ADGRB3: variants seen among roughly 807,000 people sequenced by gnomAD.
ADGRB3 encodes the protein adhesion G protein-coupled receptor B3, also known as brain-specific angiogenesis inhibitor 3.
In ADGRB3, 37 loss-of-function variants were observed where a neutral mutation model predicts 193.4. That is an observed-to-expected ratio of 0.19 (90% CI 0.15 to 0.25). The LOEUF (loss-of-function observed/expected upper bound fraction) is 0.25. Among genes scored for constraint, ADGRB3 ranks in the 10% least tolerant of loss-of-function variants. ADGRB3 has a pLI of 1.00. For synonymous variants in ADGRB3, 690 were observed against 644.2 expected, an observed-to-expected ratio of 1.07 and a Z score of -1.08; for missense variants, 1,637 against 1,852.9, an observed-to-expected ratio of 0.88 and a Z score of 2.14.
intron 17 of ADGRB3, among the ~76,000 whole-genome samples, chr6:69,191,512 T>C (rs542539825): frequency 3.3e-5 from 5 of 152,332 alleles, no homozygotes; most frequent in East Asian, 3.9e-4. Context: ...TTCACAATTA[T>C]AATTGTATTA....
At chr6:69,056,214 T>G (rs1771541601) in intron 15 of ADGRB3, among the ~76,000 whole-genome samples, 1 of 152,142 alleles carries the variant, frequency 6.6e-6, no homozygotes, top group South Asian at 2.1e-4. Context: ...CTCTTATGAT[T>G]AGTGATGTAG....
At chr6:68,989,676 G>A (rs1288766968) in intron 10 of ADGRB3, among the ~76,000 whole-genome samples, 2 of 152,026 alleles carry the variant, frequency 1.3e-5, no homozygotes, top group Non-Finnish European at 2.9e-5. Flanking sequence ...TTTTTCCAAT[G>A]GTTCTTTGTA....
rs193152778 is a variant in ADGRB3, at chr6:69,055,014, A to G, written c.2333+5668A>G. Among the ~76,000 whole-genome samples the G allele has an allele frequency of 3.3e-5, 5 of 152,320 alleles. No individual in the cohort carries two copies. The East Asian group carries it at 7.7e-4, about 23-fold the overall frequency. The stretch of plus-strand genomic sequence containing the variant: ...ATAAATCTAAAAATGGAAAAGGACT[A>G]TAGTAACTTTACTAACTTCCATTAA... On this transcript the variant is annotated intron_variant, in intron 15 of 31. Coordinates refer to ENST00000370598, the MANE Select transcript of ADGRB3 (RefSeq NM_001704.3).
chr6:68,818,995 T>C (rs1767690628), intron 3 of ADGRB3, among the ~76,000 whole-genome samples: 1 of 152,116 alleles, frequency 6.6e-6, no homozygotes, highest in African/African-American at 2.4e-5. Flanking sequence ...CTTCTTTAAC[T>C]TGAAATTTTA....
At chr6:69,378,907 C>T (rs1769889869) in intron 30 of ADGRB3, among the ~76,000 whole-genome samples, 1 of 151,942 alleles carries the variant, frequency 6.6e-6, no homozygotes, top group African/African-American at 2.4e-5. Flanking sequence ...TATAGAATCA[C>T]TTTTTCTCTA....
At chr6:69,360,216 G>A (rs1306433260) in intron 28 of ADGRB3, among the ~76,000 whole-genome samples, 1 of 151,724 alleles carries the variant, frequency 6.6e-6, no homozygotes, top group Non-Finnish European at 1.5e-5. Context: ...TCCCGCAAGG[G>A]CATTCCAGCT....
intron 3 of ADGRB3, among the ~76,000 whole-genome samples, chr6:68,920,852 T>C (rs1005364031): frequency 6.6e-6 from 1 of 152,072 alleles, no homozygotes; most frequent in African/African-American, 2.4e-5. Context: ...AATGTAATGG[T>C]TTGGTAATAC....
chr6:69,141,775 C>A (rs907165904), intron 17 of ADGRB3, among the ~76,000 whole-genome samples: 1 of 152,132 alleles, frequency 6.6e-6, no homozygotes, highest in African/African-American at 2.4e-5. Flanking sequence ...TGTGGAATTT[C>A]TGAAATTAAG....
intron 3 of ADGRB3, among the ~76,000 whole-genome samples, chr6:68,639,868 G>A (rs1172665935): frequency 6.6e-6 from 1 of 152,138 alleles, no homozygotes; most frequent in Non-Finnish European, 1.5e-5. Flanking sequence ...TCCCCACGGA[G>A]TCCTTCCCTC....
intron 8 of ADGRB3, among the ~76,000 whole-genome samples, chr6:68,964,240 A>G (rs1260946607): frequency 1.3e-5 from 2 of 152,180 alleles, no homozygotes; most frequent in South Asian, 2.1e-4. Flanking sequence ...ATATGTTTCT[A>G]TAGCGAGTTG....
At chr6:68,666,509 C>T (rs949919966) in intron 3 of ADGRB3, among the ~76,000 whole-genome samples, 2 of 151,780 alleles carry the variant, frequency 1.3e-5, no homozygotes, top group Admixed American at 1.3e-4. Flanking sequence ...AGAAGAAATG[C>T]TTTCTTCTGT....
At chr6:68,944,222 A>G (rs184556725) in intron 6 of ADGRB3, among the ~76,000 whole-genome samples, 4 of 152,306 alleles carry the variant, frequency 2.6e-5, no homozygotes, top group African/African-American at 9.6e-5. Flanking sequence ...ATATTTCTAC[A>G]AATGTGTATA....
At chr6:68,829,642 C>T (rs1767916922) in intron 3 of ADGRB3, among the ~76,000 whole-genome samples, 1 of 152,032 alleles carries the variant, frequency 6.6e-6, no homozygotes. Flanking sequence ...TACTCAAGGT[C>T]CTGATTTTTA....
intron 17 of ADGRB3, among the ~76,000 whole-genome samples, chr6:69,179,792 T>A (rs977458111): frequency 5.3e-5 from 8 of 152,224 alleles, no homozygotes; most frequent in African/African-American, 1.9e-4. Flanking sequence ...TATTGGACTG[T>A]GCAGTTTGAC....
At chr6:69,133,161 G>T (rs1000263643) in intron 17 of ADGRB3, among the ~76,000 whole-genome samples, 5 of 152,084 alleles carry the variant, frequency 3.3e-5, no homozygotes, top group African/African-American at 1.2e-4. Context: ...ATTCTGTGAA[G>T]AAAGTCAATG....
intron 10 of ADGRB3, among the ~76,000 whole-genome samples, chr6:68,988,633 G>T (rs553936058): frequency 8.5e-5 from 13 of 152,202 alleles, no homozygotes; most frequent in Non-Finnish European, 1.8e-4. Flanking sequence ...AACGCAGGGG[G>T]ATATCAAAGC....
intron 3 of ADGRB3, among the ~76,000 whole-genome samples, chr6:68,860,494 T>G (rs188132773): frequency 6.6e-6 from 1 of 152,340 alleles, no homozygotes; most frequent in East Asian, 1.9e-4. Flanking sequence ...ATAATTGATT[T>G]CCTGTTTCTG....
intron 20 of ADGRB3, among the ~76,000 whole-genome samples, chr6:69,240,921 A>C (rs934573585): frequency 6.6e-6 from 1 of 152,020 alleles, no homozygotes; most frequent in Non-Finnish European, 1.5e-5. Context: ...CAGGAACCAG[A>C]AAAAGTCAAG....
chr6:69,346,915 T>G (rs1368996640), intron 26 of ADGRB3, among the ~76,000 whole-genome samples: 1 of 152,200 alleles, frequency 6.6e-6, no homozygotes, highest in African/African-American at 2.4e-5. Flanking sequence ...ACACCTGTGT[T>G]TATTGCAGCA....
Sources: gnomAD v4.1 joint callset for allele counts (sites outside exome capture counted in the v4.1 genomes callset) on GRCh38, gnomAD v4.1.1 for gene constraint, MANE v1.5 for transcripts, NCBI Gene and HGNC (gene_info 2026-07-23, HGNC 2026-07-21) for gene names.